Variants in MAP3K4 observed in about 807,000 individuals in gnomAD.
MAP3K4 encodes mitogen-activated protein kinase kinase kinase 4.
A neutral mutation model predicts 185.6 loss-of-function variants in MAP3K4; 67 were observed. The observed-to-expected ratio is 0.36, with a 90% confidence interval of 0.30 to 0.44. MAP3K4 has a LOEUF of 0.44. MAP3K4 is among the 20% of genes least tolerant of loss of function. The pLI is 1.00. For synonymous variants in MAP3K4, 702 were observed against 710.4 expected (o/e 0.99, Z 0.19); for missense variants, 1,551 against 1,995.1 (o/e 0.78, Z 4.24).
rs372022357 is a variant in MAP3K4, at chr6:161,071,293, G to A, written c.1950+443G>A. On this transcript the variant is annotated intron_variant, in intron 4 of 26. Coordinates refer to ENST00000392142, the MANE Select transcript of MAP3K4 (RefSeq NM_005922.4). The surrounding 1 kb of genome is among the most constrained non-coding windows in gnomAD (Gnocchi z 4.6). ...AGTAGTGACAGCTTATGATTTCTTC[G>A]TTGTTGTTCATTCTGGGTGGGATCT... 2.4e-4 allele frequency among the ~76,000 whole-genome samples: 37 copies of A among 152,250 alleles called. No homozygotes were observed. Among genetic ancestry groups the A allele is most frequent in the African/African-American group, 8.7e-4 (36 of 41,542 alleles).
chr6:161,059,554 A>G (rs933921109), intron 3 of MAP3K4, among the ~76,000 whole-genome samples: 2 of 151,978 alleles, frequency 1.3e-5, no homozygotes, highest in African/African-American at 4.8e-5. Flanking sequence ...CTGCCTTTCT[A>G]TTATTGATCT....
chr6:161,021,807 A>G (rs1782405231), intron 1 of MAP3K4, among the ~76,000 whole-genome samples: 1 of 152,228 alleles, frequency 6.6e-6, no homozygotes, highest in Non-Finnish European at 1.5e-5. Context: ...AAATAAAGAC[A>G]TGACTGTGAT....
chr6:161,099,739 A>G lies in MAP3K4; in HGVS notation c.3674+1312A>G, dbSNP rs183091852. ...ACATGAGACTGCTCCCGAACTGGAC[A>G]ATAGGGAGTGACCTCCCTCTTTTTA... On this transcript the variant is annotated intron_variant, in intron 17 of 26. Transcript: ENST00000392142. 5.9e-5 allele frequency among the ~76,000 whole-genome samples: 9 copies of G among 152,314 alleles called. No homozygotes were observed. In the East Asian group the frequency reaches 1.7e-3, roughly 29 times the overall value.
At position 161,070,966 on chromosome 6, in the gene MAP3K4, G is replaced by C; in HGVS notation, c.1950+116G>C. 1.0e-6 allele frequency: 1 copy of C among 987,404 alleles called. No individual in the cohort carries two copies. Among genetic ancestry groups the C allele is most frequent in the African/African-American group, 1.6e-5 (1 of 60,858 alleles). 61.2% of individuals were successfully genotyped at this position (987,404 alleles called of 1,614,324 possible). A position where few individuals can be genotyped will look rare whatever the true frequency, so the allele number is the denominator to read the frequency against. Reference sequence around the variant, plus strand: ...TTAATTGTCGCAAATAGTGAAAAATGACTGTTTGTCCATGGTTTTAAGCTG... The same window carrying C: ...TTAATTGTCGCAAATAGTGAAAAATCACTGTTTGTCCATGGTTTTAAGCTG... On this transcript the variant is annotated intron_variant, in intron 4 of 26. Coordinates refer to ENST00000392142, the MANE Select transcript of MAP3K4 (RefSeq NM_005922.4). The surrounding 1 kb of genome is among the most constrained non-coding windows in gnomAD (Gnocchi z 4.5).
At chr6:161,094,753 A>G (rs1777495212) in intron 15 of MAP3K4, among the ~76,000 whole-genome samples, 1 of 152,222 alleles carries the variant, frequency 6.6e-6, no homozygotes, top group Non-Finnish European at 1.5e-5. Context: ...GGTTGTCGTG[A>G]AAATGAAAGT....
In MAP3K4 at chr6:161,087,990, T is replaced by G. The variant is rs760151636; in HGVS notation, c.2823+36T>G. The G allele has an allele frequency of 6.8e-5, 107 of 1,579,984 alleles. No individual in the cohort carries two copies. The highest frequency in any genetic ancestry group is 6.9e-6 in the Non-Finnish European group (8 of 1,167,402). On this transcript the variant is annotated intron_variant, in intron 10 of 26. Transcript: ENST00000392142. This position sits in a 1 kb window ranked among gnomAD's most constrained non-coding sequence, Gnocchi z 4.9. Reference sequence around the variant, plus strand: ...TCTCCATCTTTGCAGCAGTGTTACTTCAAGGACTTTTAGTAAGAATGAACT... The same window carrying G: ...TCTCCATCTTTGCAGCAGTGTTACTGCAAGGACTTTTAGTAAGAATGAACT...
chr6:160,996,935 C>T lies in MAP3K4; in HGVS notation c.152+4852C>T, dbSNP rs1781021977. On this transcript the variant is annotated intron_variant, in intron 1 of 26. Transcript: ENST00000392142. The surrounding 1 kb of genome is among the most constrained non-coding windows in gnomAD (Gnocchi z 4.5). ...TGGGCTTGCATCCCTAGCAGGTGCA[C>T]CCCTGCTTCTGAATGAGAGGCAGTG... Among the ~76,000 whole-genome samples the T allele has an allele frequency of 6.6e-6, 1 of 152,142 alleles. No individual in the cohort carries two copies. Among genetic ancestry groups the T allele is most frequent in the South Asian group, 2.1e-4 (1 of 4,828 alleles).
intron 1 of MAP3K4, among the ~76,000 whole-genome samples, chr6:161,026,136 TG>T (rs1435574882): frequency 6.6e-6 from 1 of 151,998 alleles, no homozygotes; most frequent in Non-Finnish European, 1.5e-5. Flanking sequence ...AGGAAGGCTT[TG>T]CTTTTTTTTT....
chr6:161,035,709 G>C (rs1783132937), intron 2 of MAP3K4, among the ~76,000 whole-genome samples: 1 of 152,150 alleles, frequency 6.6e-6, no homozygotes, highest in Non-Finnish European at 1.5e-5. Flanking sequence ...TTTCTCAAAT[G>C]ACTATAGAAG....
intron 1 of MAP3K4, among the ~76,000 whole-genome samples, chr6:161,014,609 C>T (rs559870820): frequency 5.8e-4 from 89 of 152,240 alleles, no homozygotes; most frequent in African/African-American, 2.0e-3. Context: ...CCTTAAAGCA[C>T]ATATATTTGA....
chr6:161,104,924 T>G (rs1487036990), intron 19 of MAP3K4, among the ~76,000 whole-genome samples: 2 of 152,160 alleles, frequency 1.3e-5, no homozygotes, highest in Non-Finnish European at 2.9e-5. Flanking sequence ...TATAAATCTT[T>G]TAGAATTTCT....
intron 1 of MAP3K4, among the ~76,000 whole-genome samples, chr6:161,001,747 A>C (rs1268207321): frequency 6.6e-6 from 1 of 152,220 alleles, no homozygotes. Context: ...GTGGGGAAGT[A>C]ATTTAGCCTC....
intron 19 of MAP3K4, among the ~76,000 whole-genome samples, chr6:161,105,837 TG>T (rs1391931779): frequency 4.8e-4 from 36 of 75,390 alleles, no homozygotes; most frequent in Middle Eastern, 6.6e-3. Flanking sequence ...TTTGGTTTTT[TG>T]TTTTTTTTTT....
intron 3 of MAP3K4, among the ~76,000 whole-genome samples, chr6:161,060,431 A>G (rs1350357640): frequency 2.0e-5 from 3 of 152,134 alleles, no homozygotes; most frequent in Admixed American, 6.5e-5. Flanking sequence ...TCATTAATGT[A>G]TTGAAGTAAT....
At chr6:160,997,806 G>T (rs1781076613) in intron 1 of MAP3K4, among the ~76,000 whole-genome samples, 1 of 152,164 alleles carries the variant, frequency 6.6e-6, no homozygotes, top group Admixed American at 6.5e-5. Context: ...CCATAGGCAT[G>T]ACACTTGACC....
At chr6:160,992,950 CCCCCTGT>C (rs1371992533) in intron 1 of MAP3K4, among the ~76,000 whole-genome samples, 10 of 152,076 alleles carry the variant, frequency 6.6e-5, no homozygotes, top group Non-Finnish European at 1.2e-4. Flanking sequence ...CAAACTGCTG[CCCCCTGT>C]CCCCTGTAAT....
At position 161,049,531 on chromosome 6, in the gene MAP3K4, C is replaced by T; in HGVS notation, c.1259C>T (p.Ser420Leu). The change falls in exon 3 of 27, where the codon TCA (serine) becomes TTA (leucine). Residue 420 changes from serine (S) to leucine (L), a missense_variant. By Grantham distance (145) the Ser-to-Leu change is moderately radical. Transcript: ENST00000392142. The surrounding 1 kb of genome is among the most constrained non-coding windows in gnomAD (Gnocchi z 8.4). ...MGTVLGIKNL[S>L]DIGWPVFEIP... ...ACTGTTTTGGGCATCAAGAATTTAT[C>T]AGACATTGGCTGGCCAGTGTTTGAA... is the stretch of plus-strand genomic sequence containing the variant. 1 of 1,614,126 alleles carries T rather than the reference C, an allele frequency of 6.2e-7. No individual in the cohort carries two copies. The highest frequency in any genetic ancestry group is 1.1e-5 in the South Asian group (1 of 91,070).
chr6:161,086,509 T>C lies in MAP3K4; in HGVS notation c.2472+31T>C. The C allele has an allele frequency of 6.3e-7, 1 of 1,598,538 alleles. No individual in the cohort carries two copies. The highest frequency in any genetic ancestry group is 1.7e-5 in the Admixed American group (1 of 58,246). ...CTTGCAATCCTGATTAATTAGTACC[T>C]TTTTTCTTGTTTTTCTTTTATCTTA... On this transcript the variant is annotated intron_variant, in intron 8 of 26. Transcript: ENST00000392142. This position sits in a 1 kb window ranked among gnomAD's most constrained non-coding sequence, Gnocchi z 4.8.
Position 160,993,674 on chromosome 6 carries a change from G to A in MAP3K4, c.152+1591G>A, listed in dbSNP as rs190265130. ...AAGAAATGGACATGAGCATTCTTAG[G>A]TAAAAGCGAGAAGGGCAGAGAAATG... is the stretch of plus-strand genomic sequence containing the variant. On this transcript the variant is annotated intron_variant, in intron 1 of 26. Transcript: ENST00000392142. Among the ~76,000 whole-genome samples the A allele has an allele frequency of 3.3e-5, 5 of 152,064 alleles. No individual in the cohort carries two copies. In the East Asian group the frequency reaches 5.8e-4, roughly 18 times the overall value.
Sources: allele counts gnomAD v4.1 joint callset (sites outside exome capture counted in the v4.1 genomes callset), GRCh38; gene constraint gnomAD v4.1.1; non-coding constraint Gnocchi (gnomAD v3.1); transcripts MANE v1.5; gene names NCBI Gene and HGNC (gene_info 2026-07-23, HGNC 2026-07-21).